PTPN20: variants seen among roughly 807,000 people sequenced by gnomAD.
PTPN20 encodes the protein protein tyrosine phosphatase non-receptor type 20.
A neutral mutation model predicts 35.0 loss-of-function variants in PTPN20; 9 were observed. The ratio of observed to expected loss-of-function variants is 0.26; its 90% CI spans 0.15 to 0.45. The LOEUF (loss-of-function observed/expected upper bound fraction) is 0.45, where lower values mean the gene tolerates loss of function less well. Ranked by LOEUF, PTPN20 falls within the 20% of genes least tolerant of loss-of-function variation. PTPN20 has a pLI of 1.00. For synonymous variants in PTPN20, 32 were observed against 100.2 expected, an observed-to-expected ratio of 0.32 and a Z score of 4.06; for missense variants, 111 against 312.5, an observed-to-expected ratio of 0.36 and a Z score of 4.86.
intron 9 of PTPN20, among the ~76,000 whole-genome samples, chr10:46,993,480 G>C: frequency 6.6e-6 from 1 of 152,154 alleles, no homozygotes; most frequent in Non-Finnish European, 1.5e-5. Context: ...CAGGCAGGGC[G>C]GTGTTGCCGT....
At chr10:46,999,771 TA>T in intron 9 of PTPN20, 140 bp from the exon 10 acceptor site, 1 of 1,034,636 alleles carries the variant, frequency 9.7e-7, no homozygotes, top group Non-Finnish European at 1.5e-6. Context: ...TGGGCTAAGT[TA>T]AAAATAGCAC....
rs2041268315 is a variant in PTPN20, at chr10:46,935,488, TG to T, written c.34+2956del. On this transcript the variant is annotated intron_variant, in intron 2 of 10. Coordinates refer to ENST00000374339, the MANE Select transcript of PTPN20 (RefSeq NM_001042357.5). Reference sequence around the variant, plus strand: ...CTGGGATTACAGGCGTGTGCCACCATGCCCGGCTAATTTTTGTATTTTTAGT... The same window carrying T: ...CTGGGATTACAGGCGTGTGCCACCATCCCGGCTAATTTTTGTATTTTTAGT... 3.1e-5 allele frequency among the ~76,000 whole-genome samples: 4 copies of T among 128,132 alleles called. No homozygotes were observed. The South Asian group carries it at 1.2e-3, about 38-fold the overall frequency. The allele number at this position is 128,132 out of a possible 152,430, so 84.1% of individuals were successfully genotyped here. A position where few individuals can be genotyped will look rare whatever the true frequency, so the allele number is the denominator to read the frequency against.
intron 1 of PTPN20, among the ~76,000 whole-genome samples, chr10:46,929,653 G>A (rs1447921787): frequency 2.3e-4 from 35 of 150,326 alleles, no homozygotes; most frequent in Non-Finnish European, 4.6e-4. Flanking sequence ...AAATGTTACA[G>A]TTTCTGTCCT....
chr10:46,929,577 A>T (rs1287651124), intron 1 of PTPN20, among the ~76,000 whole-genome samples: 6 of 151,620 alleles, frequency 4.0e-5, no homozygotes, highest in Non-Finnish European at 8.8e-5. Context: ...TTAACTAATT[A>T]GTCCCTCAAA....
At chr10:46,937,677 C>T (rs1167629056) in intron 2 of PTPN20, among the ~76,000 whole-genome samples, 6 of 151,694 alleles carry the variant, frequency 4.0e-5, no homozygotes, top group African/African-American at 1.5e-4. Flanking sequence ...CTTATTTTTA[C>T]ATGATTTATA....
At chr10:46,958,998 C>T (rs1409654571) in intron 5 of PTPN20, among the ~76,000 whole-genome samples, 1 of 148,150 alleles carries the variant, frequency 6.7e-6, no homozygotes, top group African/African-American at 2.5e-5. Flanking sequence ...TGTTGTTGCA[C>T]AGAGGATTCT....
intron 1 of PTPN20, among the ~76,000 whole-genome samples, chr10:46,927,589 C>T (rs1161402288): frequency 3.4e-5 from 5 of 148,956 alleles, no homozygotes; most frequent in African/African-American, 1.2e-4. Flanking sequence ...TCCTACTATC[C>T]CCAAATTCAC....
At chr10:46,979,697 C>T (rs1484657261) in intron 7 of PTPN20, among the ~76,000 whole-genome samples, 2 of 122,704 alleles carry the variant, frequency 1.6e-5, no homozygotes, top group Admixed American at 1.5e-4. Flanking sequence ...CAGATGGTGA[C>T]TCTAGTTGCA....
chr10:46,918,786 G>A (rs2033950890), intron 1 of PTPN20, among the ~76,000 whole-genome samples: 1 of 129,582 alleles, frequency 7.7e-6, no homozygotes, highest in African/African-American at 3.5e-5. Flanking sequence ...CCCAGAATAT[G>A]GACTATCCTT....
At chr10:46,937,961 T>TA (rs2042256931) in intron 2 of PTPN20, among the ~76,000 whole-genome samples, 4 of 149,232 alleles carry the variant, frequency 2.7e-5, no homozygotes, top group Admixed American at 2.7e-4. Context: ...TTTTTTTTTT[T>TA]TTTTCTTAGA....
intron 7 of PTPN20, among the ~76,000 whole-genome samples, chr10:46,979,887 G>A (rs2054795493): frequency 6.7e-6 from 1 of 148,458 alleles, no homozygotes; most frequent in South Asian, 2.2e-4. Context: ...TACCTCAGGG[G>A]TGTATTAACT....
intron 7 of PTPN20, among the ~76,000 whole-genome samples, chr10:46,982,839 C>A (rs1286227965): frequency 6.6e-6 from 1 of 152,110 alleles, no homozygotes; most frequent in Non-Finnish European, 1.5e-5. Context: ...AAAGATCTCC[C>A]TACAAAGCCA....
chr10:46,996,063 C>A (rs2059052080), intron 9 of PTPN20, among the ~76,000 whole-genome samples: 1 of 152,242 alleles, frequency 6.6e-6, no homozygotes, highest in Admixed American at 6.5e-5. Context: ...TCTTTTTAAT[C>A]TAATTCTCTT....
At position 47,002,201 on chromosome 10, in the gene PTPN20, CT is replaced by C. The variant is rs1289271283; in HGVS notation, c.*1463del. ...TGTTAATTTCATTTTGATAATTGGC[CT>C]TTAATATTTGTATCTCTAATTTTAT... On this transcript the variant is annotated 3_prime_UTR_variant, in exon 11 of 11. Transcript: ENST00000374339. The C allele has an allele frequency of 6.6e-6, 1 of 152,090 alleles. No homozygotes were observed. The highest frequency in any genetic ancestry group is 2.4e-5 in the African/African-American group (1 of 41,344). 9.4% of individuals were successfully genotyped at this position (152,090 alleles called of 1,614,324 possible).
intron 9 of PTPN20, among the ~76,000 whole-genome samples, chr10:46,997,617 T>TA (rs782678312): frequency 0.012 from 1,347 of 114,888 alleles, 11 homozygotes; most frequent in African/African-American, 0.022. Flanking sequence ...ATGAAGAGGA[T>TA]AAAAAAAAAA....
intron 9 of PTPN20, among the ~76,000 whole-genome samples, chr10:46,995,115 T>C (rs2058803900): frequency 6.6e-6 from 1 of 152,160 alleles, no homozygotes; most frequent in Non-Finnish European, 1.5e-5. Context: ...CTCATGAGGG[T>C]CAGTCACTGG....
chr10:46,991,771 T>TAAGTTTC (rs1359191115), intron 9 of PTPN20, among the ~76,000 whole-genome samples: 17,913 of 150,946 alleles, frequency 0.12, 1,625 homozygotes, highest in African/African-American at 0.27. Flanking sequence ...TTCTCACTTG[T>TAAGTTTC]AAGTTTCTGC....
chr10:46,976,062 G>C (rs1453392343), intron 7 of PTPN20, among the ~76,000 whole-genome samples: 1 of 145,136 alleles, frequency 6.9e-6, no homozygotes, highest in East Asian at 2.0e-4. Flanking sequence ...TCCCACCTCA[G>C]CTTCCCAAGT....
intron 9 of PTPN20, among the ~76,000 whole-genome samples, chr10:46,996,531 T>C (rs2059134975): frequency 6.6e-6 from 1 of 152,234 alleles, no homozygotes; most frequent in African/African-American, 2.4e-5. Flanking sequence ...TTATGGATCA[T>C]GTTTTGATAT....
Sources: allele counts gnomAD v4.1 joint callset (sites outside exome capture counted in the v4.1 genomes callset), GRCh38; gene constraint gnomAD v4.1.1; transcripts MANE v1.5; gene names NCBI Gene and HGNC (gene_info 2026-07-23, HGNC 2026-07-21).